PITPNC1: variants seen among roughly 807,000 people sequenced by gnomAD.
PITPNC1 encodes phosphatidylinositol transfer protein cytoplasmic 1, also known as cytoplasmic phosphatidylinositol transfer protein 1.
In PITPNC1, 18 loss-of-function variants were observed where a neutral mutation model predicts 44.7. The observed-to-expected ratio is 0.40, with a 90% CI of 0.28 to 0.60. PITPNC1 has a LOEUF of 0.60. PITPNC1 is among the 20% of genes least tolerant of loss of function. The pLI, the probability that PITPNC1 is intolerant of heterozygous loss-of-function variation, is 0.39. For synonymous variants in PITPNC1, 141 were observed against 149.6 expected (o/e 0.94, Z 0.42); for missense variants, 290 against 418.4 (o/e 0.69, Z 2.68).
chr17:67,588,564 T>G (rs1319941500), intron 5 of PITPNC1, among the ~76,000 whole-genome samples: 2 of 152,144 alleles, frequency 1.3e-5, no homozygotes, highest in African/African-American at 4.8e-5. Flanking sequence ...GCCTGTTAGT[T>G]ACTTAGTAGC....
Position 67,435,273 on chromosome 17 carries a change from A to T in PITPNC1, c.48+57071A>T, listed in dbSNP as rs530127759. 7.9e-5 allele frequency among the ~76,000 whole-genome samples: 12 copies of T among 152,322 alleles called. No homozygotes were observed. In the South Asian group the frequency reaches 2.5e-3, roughly 32 times the overall value. On this transcript the variant is annotated intron_variant, in intron 1 of 8. Transcript: ENST00000581322. ...TCTGCAGGATTCTTGTGAAGATAAA[A>T]GCCACAGAACAGTGGCTGGGCCCCA...
At chr17:67,495,037 G>GTTTTTTTTTTTTTTT (rs2039925221) in intron 1 of PITPNC1, among the ~76,000 whole-genome samples, 6 of 79,402 alleles carry the variant, frequency 7.6e-5, no homozygotes, top group Non-Finnish European at 1.4e-4. Context: ...GAGCCATGGA[G>GTTTTTTTTTTTTTTT]TTGTTTTTTT....
chr17:67,675,556 T>G lies in PITPNC1; in HGVS notation c.682+14T>G. 1.3e-6 allele frequency: 2 copies of G among 1,564,636 alleles called. No homozygotes were observed. The highest frequency in any genetic ancestry group is 1.8e-6 in the Non-Finnish European group (2 of 1,134,970). ...ATGAGTGGTATGGTAAGTCAATTTC[T>G]CCAAAATAACTTGTAGAACAACTTC... On this transcript the variant is annotated intron_variant, in intron 8 of 8. Transcript: ENST00000581322.
At chr17:67,659,886 T>C (rs987039185) in intron 6 of PITPNC1, among the ~76,000 whole-genome samples, 1 of 152,156 alleles carries the variant, frequency 6.6e-6, no homozygotes, top group East Asian at 1.9e-4. Flanking sequence ...TTTTTGTTTT[T>C]TGTTTTTTTT....
At chr17:67,432,772 A>C (rs1284633660) in intron 1 of PITPNC1, among the ~76,000 whole-genome samples, 1 of 152,226 alleles carries the variant, frequency 6.6e-6, no homozygotes. Flanking sequence ...TGATCTTTGT[A>C]AACATCAGCT....
chr17:67,388,619 C>A (rs527392785), intron 1 of PITPNC1, among the ~76,000 whole-genome samples: 23 of 151,384 alleles, frequency 1.5e-4, no homozygotes, highest in Non-Finnish European at 2.4e-4. Context: ...TGCACCCGGC[C>A]TCTTTTGTTT....
chr17:67,665,416 ATG>A (rs1233621754), intron 6 of PITPNC1, among the ~76,000 whole-genome samples: 4 of 152,094 alleles, frequency 2.6e-5, no homozygotes, highest in Non-Finnish European at 5.9e-5. Flanking sequence ...TTGTGTGGAT[ATG>A]TGTTTTCAAG....
At chr17:67,631,608 G>A (rs1191147423) in intron 5 of PITPNC1, among the ~76,000 whole-genome samples, 3 of 67,122 alleles carry the variant, frequency 4.5e-5, no homozygotes, top group African/African-American at 1.0e-4. Flanking sequence ...CAGCTTGGGC[G>A]AAAGAGTGAG....
chr17:67,425,191 GCGCACGCACACGCACACACACACACACA>G (rs1409374707), intron 1 of PITPNC1, among the ~76,000 whole-genome samples: 3 of 38,640 alleles, frequency 7.8e-5, no homozygotes, highest in African/African-American at 2.4e-4. Flanking sequence ...TGTTGTGCGC[GCGCACGCACACGCACACACACACACACA>G]CACACACACA....
intron 6 of PITPNC1, among the ~76,000 whole-genome samples, chr17:67,639,586 A>G (rs1489813562): frequency 2.6e-5 from 4 of 152,346 alleles, no homozygotes; most frequent in African/African-American, 7.2e-5. Context: ...CTGACGTGGC[A>G]TAATTAAATG....
At chr17:67,379,169 A>G in intron 1 of PITPNC1, 1 of 985,942 alleles carries the variant, frequency 1.0e-6, no homozygotes, top group Non-Finnish European at 1.2e-6. Flanking sequence ...CAAGCAAGGC[A>G]ACGTGAAACT....
intron 1 of PITPNC1, among the ~76,000 whole-genome samples, chr17:67,509,713 A>G (rs931110918): frequency 3.3e-5 from 5 of 152,124 alleles, no homozygotes; most frequent in African/African-American, 9.7e-5. Flanking sequence ...CATCCTTTCC[A>G]TGTTAGAAAA....
At chr17:67,554,253 A>ATTTTTT (rs11413972) in intron 4 of PITPNC1, among the ~76,000 whole-genome samples, 4 of 111,084 alleles carry the variant, frequency 3.6e-5, no homozygotes, top group Non-Finnish European at 5.3e-5. Context: ...ATAGTTTATG[A>ATTTTTT]TTTTTTTTTT....
chr17:67,428,475 G>A (rs996536221), intron 1 of PITPNC1, among the ~76,000 whole-genome samples: 1 of 151,676 alleles, frequency 6.6e-6, no homozygotes, highest in African/African-American at 2.4e-5. Context: ...AGGAGGATGA[G>A]GCTGCAGAAA....
At chr17:67,526,287 G>T (rs957179234) in intron 1 of PITPNC1, among the ~76,000 whole-genome samples, 1 of 152,210 alleles carries the variant, frequency 6.6e-6, no homozygotes, top group Non-Finnish European at 1.5e-5. Flanking sequence ...ATCAGTGATA[G>T]CTTAGAGCTC....
At chr17:67,529,559 C>A (rs940334864) in intron 1 of PITPNC1, among the ~76,000 whole-genome samples, 10 of 152,212 alleles carry the variant, frequency 6.6e-5, no homozygotes, top group African/African-American at 2.4e-4. Flanking sequence ...TATCCAAAAA[C>A]ACTTCCATCG....
intron 5 of PITPNC1, among the ~76,000 whole-genome samples, chr17:67,624,214 C>CTTTTTTTTTTT (rs71139163): frequency 2.4e-5 from 3 of 127,118 alleles, no homozygotes; most frequent in African/African-American, 3.0e-5. Flanking sequence ...TCTTTCTTTT[C>CTTTTTTTTTTT]TTTTTTTTTT....
intron 1 of PITPNC1, among the ~76,000 whole-genome samples, chr17:67,387,623 G>A (rs2038074436): frequency 6.6e-6 from 1 of 152,130 alleles, no homozygotes; most frequent in Non-Finnish European, 1.5e-5. Context: ...CTGAGATCGA[G>A]GCTGCACTCC....
At chr17:67,460,222 A>G (rs2039315619) in intron 1 of PITPNC1, among the ~76,000 whole-genome samples, 1 of 152,148 alleles carries the variant, frequency 6.6e-6, no homozygotes, top group Non-Finnish European at 1.5e-5. Context: ...CAGCCCCTGG[A>G]TTGCCATTGT....
Sources: allele counts gnomAD v4.1 joint callset (sites outside exome capture counted in the v4.1 genomes callset), GRCh38; gene constraint gnomAD v4.1.1; transcripts MANE v1.5; gene names NCBI Gene and HGNC (gene_info 2026-07-23, HGNC 2026-07-21).